ADGRL3: variants seen among roughly 807,000 people sequenced by gnomAD.
ADGRL3 encodes the protein calcium-independent alpha-latrotoxin receptor 3.
Under a neutral mutation model 153.5 loss-of-function variants are expected in ADGRL3, and 62 were observed. That is an observed-to-expected ratio of 0.40 (90% confidence interval 0.33 to 0.50). ADGRL3 has a LOEUF of 0.50. Ranked by LOEUF, ADGRL3 falls within the 20% of genes least tolerant of loss-of-function variation. The probability of loss-of-function intolerance (pLI) is 0.47; values close to 1 mark genes in which losing one functional copy is unlikely to be tolerated. For missense variants in ADGRL3, 1,641 were observed against 1,859.4 expected, an observed-to-expected ratio of 0.88 and a Z score of 2.16; for synonymous variants, 710 against 672.5, an observed-to-expected ratio of 1.06 and a Z score of -0.86.
intron 6 of ADGRL3, among the ~76,000 whole-genome samples, chr4:61,686,272 A>G (rs2095441126): frequency 6.6e-6 from 1 of 152,128 alleles, no homozygotes; most frequent in African/African-American, 2.4e-5. Flanking sequence ...ATACAAAGGT[A>G]GGGTTTTCAT....
At chr4:61,638,954 G>C (rs940002212) in intron 5 of ADGRL3, among the ~76,000 whole-genome samples, 1 of 152,124 alleles carries the variant, frequency 6.6e-6, no homozygotes, top group Non-Finnish European at 1.5e-5. Flanking sequence ...TATATGTGAA[G>C]TAGTTCTTTT....
At chr4:61,552,882 A>G (rs1246119808) in intron 4 of ADGRL3, among the ~76,000 whole-genome samples, 1 of 152,144 alleles carries the variant, frequency 6.6e-6, no homozygotes, top group African/African-American at 2.4e-5. Flanking sequence ...TTCTTCATAT[A>G]GTGTCCTATA....
chr4:61,739,729 G>A (rs1331443183), intron 8 of ADGRL3, among the ~76,000 whole-genome samples: 3 of 152,160 alleles, frequency 2.0e-5, no homozygotes, highest in Non-Finnish European at 4.4e-5. Context: ...CCCCCACCCT[G>A]TACCACCAGC....
chr4:61,664,533 T>A (rs1392560121), intron 5 of ADGRL3, among the ~76,000 whole-genome samples: 1 of 152,122 alleles, frequency 6.6e-6, no homozygotes, highest in South Asian at 2.1e-4. Flanking sequence ...TTTTTTTAAT[T>A]TTTTCATTTT....
intron 16 of ADGRL3, 89 bp downstream of exon 16, chr4:61,947,211 T>G: frequency 9.3e-7 from 1 of 1,074,880 alleles, no homozygotes. Context: ...CTTTTAATGT[T>G]TTTTCTATTT....
At chr4:62,006,032 A>ATATATTTTT (rs1203029363) in intron 21 of ADGRL3, among the ~76,000 whole-genome samples, 9 of 73,090 alleles carry the variant, frequency 1.2e-4, no homozygotes, top group Non-Finnish European at 2.1e-4. Context: ...ATATATATAT[A>ATATATTTTT]TTTTTTTTTT....
At chr4:61,423,403 T>C (rs2097233937) in intron 2 of ADGRL3, among the ~76,000 whole-genome samples, 1 of 152,124 alleles carries the variant, frequency 6.6e-6, no homozygotes, top group African/African-American at 2.4e-5. Context: ...GAATCCAGTG[T>C]GGATAGGATT....
At chr4:61,795,593 A>G (rs904070463) in intron 8 of ADGRL3, among the ~76,000 whole-genome samples, 2 of 152,214 alleles carry the variant, frequency 1.3e-5, no homozygotes, top group African/African-American at 4.8e-5. Context: ...ATATATATAC[A>G]TAAAGAAAAT....
At chr4:62,056,141 C>T (rs527404717) in intron 25 of ADGRL3, among the ~76,000 whole-genome samples, 1 of 151,536 alleles carries the variant, frequency 6.6e-6, no homozygotes, top group East Asian at 1.9e-4. Context: ...TTATAAATAC[C>T]TCAGCCTGTG....
chr4:61,513,850 T>C (rs796334715), intron 3 of ADGRL3, among the ~76,000 whole-genome samples: 87 of 152,296 alleles, frequency 5.7e-4, no homozygotes, highest in African/African-American at 1.9e-3. Context: ...ATTGACCTTA[T>C]TATAGCTTCC....
At chr4:61,557,842 A>C (rs1165222497) in intron 4 of ADGRL3, among the ~76,000 whole-genome samples, 1 of 151,644 alleles carries the variant, frequency 6.6e-6, no homozygotes, top group Non-Finnish European at 1.5e-5. Context: ...TTGTTTACAA[A>C]GTATATTAGA....
intron 1 of ADGRL3, among the ~76,000 whole-genome samples, chr4:61,350,213 T>TA (rs1475806137): frequency 1.3e-5 from 2 of 152,178 alleles, no homozygotes; most frequent in African/African-American, 4.8e-5. Flanking sequence ...ATATATCTAA[T>TA]ATTTTCAGTT....
chr4:61,569,853 A>C (rs1267425413), intron 4 of ADGRL3, among the ~76,000 whole-genome samples: 2 of 152,154 alleles, frequency 1.3e-5, no homozygotes, highest in South Asian at 4.1e-4. Flanking sequence ...GGCACTTAGC[A>C]CTTCACTATA....
At chr4:61,601,863 C>A (rs1296802723) in intron 5 of ADGRL3, among the ~76,000 whole-genome samples, 2 of 152,240 alleles carry the variant, frequency 1.3e-5, no homozygotes, top group East Asian at 3.9e-4. Flanking sequence ...GTCTTTCAAA[C>A]TACTATACTT....
chr4:61,288,632 C>G (rs1432605616), intron 1 of ADGRL3, among the ~76,000 whole-genome samples: 4 of 151,938 alleles, frequency 2.6e-5, no homozygotes, highest in Admixed American at 2.0e-4. Context: ...AAATGCATAT[C>G]TGAATTTTTC....
In ADGRL3 at chr4:61,983,387, C is replaced by A; in HGVS notation, c.3020C>A (p.Ala1007Asp). 1 of 1,613,024 alleles carries A rather than the reference C, an allele frequency of 6.2e-7. No individual in the cohort carries two copies. Among genetic ancestry groups the A allele is most frequent in the South Asian group, 1.1e-5 (1 of 91,044 alleles). The change falls in exon 19 of 27, where the codon GCC (alanine) becomes GAC (aspartate). Residue 1007 changes from alanine (A) to aspartate (D), a missense_variant. By Grantham distance (126) the Ala-to-Asp change is moderately radical (BLOSUM62 -2). This residue lies in a region of ADGRL3 where 734 missense variants were observed against 797.0 expected (regional missense o/e 0.92). Coordinates refer to ENST00000683033, the MANE Select transcript of ADGRL3 (RefSeq NM_001387552.1). ...ATCATTTGTTCCTTTTCCTAGATTG[C>A]CTGTGCTGTTTTCGCTGCCCTGTTA... The part of the protein sequence containing the change: ...IGINRTDQPI[A>D]CAVFAALLHF...
intron 2 of ADGRL3, among the ~76,000 whole-genome samples, chr4:61,434,781 T>A (rs2097423634): frequency 6.6e-6 from 1 of 152,126 alleles, no homozygotes. Flanking sequence ...AGGTTTTGAT[T>A]AGAGCTGATT....
At chr4:61,496,829 T>C (rs973993159) in intron 2 of ADGRL3, among the ~76,000 whole-genome samples, 2 of 150,022 alleles carry the variant, frequency 1.3e-5, no homozygotes, top group African/African-American at 4.9e-5. Context: ...TAGTCCCAGC[T>C]ACTCAGGAGG....
chr4:61,581,859 C>T (rs543544519), intron 4 of ADGRL3, among the ~76,000 whole-genome samples: 1 of 152,002 alleles, frequency 6.6e-6, no homozygotes, highest in African/African-American at 2.4e-5. Flanking sequence ...TGTTCCTAAA[C>T]GTTGTTCAAA....
Sources: allele counts gnomAD v4.1 joint callset (sites outside exome capture counted in the v4.1 genomes callset), GRCh38; gene constraint gnomAD v4.1.1; regional missense constraint gnomAD v4.1.1; transcripts MANE v1.5; gene names NCBI Gene and HGNC (gene_info 2026-07-23, HGNC 2026-07-21).